The following WWOX variants were observed in gnomAD, a reference collection of about 807,000 sequenced individuals.
The protein encoded by WWOX is WW domain containing oxidoreductase.
In WWOX, 69 loss-of-function variants were observed where a neutral mutation model predicts 46.2. The ratio of observed to expected loss-of-function variants is 1.49; its 90% CI spans 1.23 to 1.82. The LOEUF (loss-of-function observed/expected upper bound fraction) is 1.82, where lower values mean the gene tolerates loss of function less well. Ranked by LOEUF, WWOX falls within the 40% of genes most tolerant of loss-of-function variation. WWOX has a pLI of 0.00. For missense variants in WWOX, 919 were observed against 542.6 expected (o/e 1.69, Z -6.89); for synonymous variants, 359 against 202.6 (o/e 1.77, Z -6.56).
At position 78,838,107 on chromosome 16, in the gene WWOX, C is replaced by A. The variant is rs1308664740; in HGVS notation, c.1057-373501C>A. 2.0e-5 allele frequency among the ~76,000 whole-genome samples: 3 copies of A among 152,258 alleles called. No homozygotes were observed. In the East Asian group the frequency reaches 5.8e-4, roughly 30 times the overall value. ...TTTGTCTCTGGGGTTGTGGGGAAGG[C>A]TGGTAGCTTGAGAGCCTCCTCCTTC... On this transcript the variant is annotated intron_variant, in intron 8 of 8. Coordinates refer to ENST00000566780, the MANE Select transcript of WWOX (RefSeq NM_016373.4).
Position 78,339,226 on chromosome 16 carries a change from G to T in WWOX, c.517-47634G>T, listed in dbSNP as rs1053893988. Among the ~76,000 whole-genome samples, 10 of 119,250 alleles carry T rather than the reference G, an allele frequency of 8.4e-5. 3 individuals are homozygous for T. The highest frequency in any genetic ancestry group is 1.8e-4 in the Non-Finnish European group (9 of 50,068). 78.2% of individuals were successfully genotyped at this position (119,250 alleles called of 152,430 possible). ...ACCACTATGCCATGTAGCATATCAA[G>T]ATTATTTTTCTTTCCTGCACCTTAT... On this transcript the variant is annotated intron_variant, in intron 5 of 8. Transcript: ENST00000566780.
chr16:78,306,956 T>C (rs572865849), intron 5 of WWOX, among the ~76,000 whole-genome samples: 1 of 152,342 alleles, frequency 6.6e-6, no homozygotes, highest in East Asian at 1.9e-4. Flanking sequence ...GTATTATCTG[T>C]TTCATAACCC....
chr16:78,520,051 A>G (rs1414001697), intron 8 of WWOX, among the ~76,000 whole-genome samples: 2 of 152,152 alleles, frequency 1.3e-5, no homozygotes, highest in Admixed American at 6.5e-5. Context: ...CCCAGATGGA[A>G]CTTATTGAGG....
chr16:78,743,567 A>T (rs528399972), intron 8 of WWOX, among the ~76,000 whole-genome samples: 1 of 152,138 alleles, frequency 6.6e-6, no homozygotes, highest in Non-Finnish European at 1.5e-5. Flanking sequence ...GAAAACACCA[A>T]CTTTCCACAA....
chr16:78,193,672 TC>T lies in WWOX; in HGVS notation c.516+29384del, dbSNP rs543542399. ...GCTAGGGGCTGGAAGTGAGAAGGTTTCAACACCATATGGGTATGTGAGTATA... is the reference window on the plus strand; with the variant it reads ...GCTAGGGGCTGGAAGTGAGAAGGTTTAACACCATATGGGTATGTGAGTATA... On this transcript the variant is annotated intron_variant, in intron 5 of 8. Coordinates refer to ENST00000566780, the MANE Select transcript of WWOX (RefSeq NM_016373.4). 5.4e-3 allele frequency among the ~76,000 whole-genome samples: 825 copies of T among 152,302 alleles called. 5 individuals are homozygous for T. Among genetic ancestry groups the T allele is most frequent in the Middle Eastern group, 0.017 (5 of 294 alleles).
chr16:79,206,886 T>G (rs761621673), intron 8 of WWOX: 1 of 152,244 alleles, frequency 6.6e-6, no homozygotes, highest in Non-Finnish European at 1.5e-5. Context: ...ATGTGTCCCC[T>G]AAAAGATTGC....
chr16:78,458,848 G>T (rs1386559052), intron 8 of WWOX, among the ~76,000 whole-genome samples: 1 of 152,042 alleles, frequency 6.6e-6, no homozygotes, highest in Non-Finnish European at 1.5e-5. Context: ...TTGGCAAAGG[G>T]GACAGGAGAC....
intron 8 of WWOX, among the ~76,000 whole-genome samples, chr16:78,587,016 G>T (rs973691606): frequency 6.6e-6 from 1 of 151,918 alleles, no homozygotes; most frequent in African/African-American, 2.4e-5. Flanking sequence ...TTTGATAATG[G>T]CATGATTTAG....
intron 8 of WWOX, among the ~76,000 whole-genome samples, chr16:78,619,847 A>G (rs989142875): frequency 6.6e-6 from 1 of 152,072 alleles, no homozygotes; most frequent in Non-Finnish European, 1.5e-5. Flanking sequence ...AGGTTGAACC[A>G]TGATTGCACC....
At chr16:78,628,771 G>A (rs2046366155) in intron 8 of WWOX, among the ~76,000 whole-genome samples, 1 of 152,146 alleles carries the variant, frequency 6.6e-6, no homozygotes, top group Non-Finnish European at 1.5e-5. Flanking sequence ...AAAGGAAGAG[G>A]AGAGACCTTT....
chr16:78,548,910 A>C (rs2044112111), intron 8 of WWOX, among the ~76,000 whole-genome samples: 1 of 149,128 alleles, frequency 6.7e-6, no homozygotes, highest in Non-Finnish European at 1.5e-5. Flanking sequence ...TTTTGTAAAG[A>C]AGGTTTCTAT....
chr16:79,094,357 C>G (rs933474864), intron 8 of WWOX, among the ~76,000 whole-genome samples: 2 of 151,438 alleles, frequency 1.3e-5, no homozygotes, highest in Non-Finnish European at 2.9e-5. Context: ...TCAAGCAATT[C>G]CCCTGCCTTA....
At chr16:78,700,312 CAGAGAGAGAGAGAGAG>C (rs55638553) in intron 8 of WWOX, among the ~76,000 whole-genome samples, 4,484 of 130,492 alleles carry the variant, frequency 0.034, 260 homozygotes, top group African/African-American at 0.11. Context: ...ACTTAGTAGA[CAGAGAGAGAGAGAGAG>C]AGAGAGAGAG....
intron 8 of WWOX, among the ~76,000 whole-genome samples, chr16:78,972,624 C>T (rs903591282): frequency 2.0e-5 from 3 of 152,064 alleles, no homozygotes; most frequent in South Asian, 4.2e-4. Context: ...AAGTACATAC[C>T]GCTGCACATC....
chr16:78,973,581 TTC>T (rs1317379469), intron 8 of WWOX, among the ~76,000 whole-genome samples: 1 of 152,230 alleles, frequency 6.6e-6, no homozygotes, highest in Non-Finnish European at 1.5e-5. Context: ...GGCACAGTTT[TTC>T]TTTCTGTCTC....
chr16:79,018,684 C>T (rs1312491657), intron 8 of WWOX, among the ~76,000 whole-genome samples: 1 of 152,150 alleles, frequency 6.6e-6, no homozygotes, highest in African/African-American at 2.4e-5. Context: ...TGTGGGCCGC[C>T]TCCTCCACAT....
At chr16:78,837,680 G>C (rs1057368322) in intron 8 of WWOX, among the ~76,000 whole-genome samples, 7 of 152,154 alleles carry the variant, frequency 4.6e-5, no homozygotes, top group African/African-American at 7.2e-5. Context: ...AAGAAAGAGG[G>C]GCTGACAAAG....
intron 5 of WWOX, among the ~76,000 whole-genome samples, chr16:78,370,596 T>C (rs1436447209): frequency 1.3e-5 from 2 of 152,042 alleles, no homozygotes; most frequent in Non-Finnish European, 2.9e-5. Flanking sequence ...ATGGATTCTG[T>C]CTTATTTATT....
At chr16:78,525,926 A>C (rs1341473924) in intron 8 of WWOX, 2 of 152,056 alleles carry the variant, frequency 1.3e-5, no homozygotes, top group African/African-American at 4.8e-5. Context: ...TATAAAAATC[A>C]TATAAGCATG....
Sources: gnomAD v4.1 joint callset for allele counts (sites outside exome capture counted in the v4.1 genomes callset) on GRCh38, gnomAD v4.1.1 for gene constraint, MANE v1.5 for transcripts, NCBI Gene and HGNC (gene_info 2026-07-23, HGNC 2026-07-21) for gene names.